NYNRIN: variants seen among roughly 807,000 people sequenced by gnomAD.
The protein encoded by NYNRIN is protein NYNRIN.
A neutral mutation model predicts 146.6 loss-of-function variants in NYNRIN; 86 were observed. The ratio of observed to expected loss-of-function variants is 0.59; its 90% CI spans 0.49 to 0.70. The LOEUF (loss-of-function observed/expected upper bound fraction) is 0.70. Among genes scored for constraint, NYNRIN ranks in the 30% least tolerant of loss-of-function variants. The pLI, the probability that NYNRIN is intolerant of heterozygous loss-of-function variation, is 0.00. For missense variants in NYNRIN, 2,191 were observed against 2,377.7 expected, an observed-to-expected ratio of 0.92 and a Z score of 1.63; for synonymous variants, 1,027 against 1,001.3, an observed-to-expected ratio of 1.03 and a Z score of -0.48.
In NYNRIN at chr14:24,409,388, C is replaced by T. The variant is rs1201469815; in HGVS notation, c.1594C>T (p.Gln532Ter). The T allele has an allele frequency of 1.2e-6, 2 of 1,614,028 alleles. No homozygotes were observed. The highest frequency in any genetic ancestry group is 4.5e-5 in the East Asian group (2 of 44,884). The change falls in exon 4 of 9, where the codon CAG becomes TAG. Residue 532 changes from glutamine (Q) to a stop codon, truncating the protein, a stop_gained. Transcript: ENST00000382554. LOFTEE classifies it high-confidence loss of function. The part of the protein sequence containing the change: ...KPVAQGGLTD[Q>*]SVPGAQTVPE... Reference sequence around the variant, plus strand: ...CGTGGCTCAAGGGGGGCTGACAGATCAGTCAGTACCTGGAGCTCAAACAGT... The same window carrying T: ...CGTGGCTCAAGGGGGGCTGACAGATTAGTCAGTACCTGGAGCTCAAACAGT...
intron 2 of NYNRIN, among the ~76,000 whole-genome samples, chr14:24,400,667 A>G (rs2042836197): frequency 6.6e-6 from 1 of 152,212 alleles, no homozygotes; most frequent in Non-Finnish European, 1.5e-5. Flanking sequence ...GAAGACATTT[A>G]GAAGCCGGGG....
intron 2 of NYNRIN, among the ~76,000 whole-genome samples, chr14:24,407,158 G>A (rs2042879632): frequency 6.6e-6 from 1 of 152,212 alleles, no homozygotes; most frequent in South Asian, 2.1e-4. Context: ...TCTGCCAGAG[G>A]AGGTGGAAAA....
At chr14:24,407,826 C>T (rs1308666246) in intron 2 of NYNRIN, 43 bp from the exon 3 acceptor site, 3 of 1,534,196 alleles carry the variant, frequency 2.0e-6, no homozygotes, top group Non-Finnish European at 2.6e-6. Flanking sequence ...AGGGGCAGGC[C>T]CCCAACGGGC....
chr14:24,414,758 G>A lies in NYNRIN; in HGVS notation c.3009G>A (p.Glu1003=). The A allele has an allele frequency of 6.2e-7, 1 of 1,613,762 alleles. No homozygotes were observed. The highest frequency in any genetic ancestry group is 8.5e-7 in the Non-Finnish European group (1 of 1,179,770). Residue 1003 remains glutamate (E), a synonymous_variant, in exon 9 of 9, where the codon GAG becomes GAA. Transcript: ENST00000382554. ...AGAAGGAGGAGAGGCAGGATGAGGAGCAGAGACAGGGGCAGGGCACACAGA... is the reference window on the plus strand; with the variant it reads ...AGAAGGAGGAGAGGCAGGATGAGGAACAGAGACAGGGGCAGGGCACACAGA... ...REEKEERQDE[E]QRQGQGTQKA...
At position 24,410,134 on chromosome 14, in the gene NYNRIN, G is replaced by A. The variant is rs2042903091; in HGVS notation, c.2340G>A (p.Glu780=). 6 of 1,613,750 alleles carry A rather than the reference G, an allele frequency of 3.7e-6. No individual in the cohort carries two copies. The East Asian group carries it at 1.3e-4, about 36-fold the overall frequency. ...ACGAGGCCCTGAATACACCCTTCGA[G>A]CTGAACCTGTCAGGGGAACCTGGAA... The part of the protein sequence containing the change: ...RYHEALNTPF[E]LNLSGEPGNQ... The change falls in exon 4 of 9, where the codon GAG becomes GAA. Residue 780 remains glutamate, a synonymous_variant. Coordinates refer to ENST00000382554, the MANE Select transcript of NYNRIN (RefSeq NM_025081.3).
Position 24,415,301 on chromosome 14 carries a change from C to A in NYNRIN, c.3552C>A (p.His1184Gln). The change falls in exon 9 of 9, where the codon CAC becomes CAA. Residue 1184 changes from histidine to glutamine, a missense_variant. Around this residue, in one of 3 missense-constraint regions of NYNRIN, gnomAD observed 1,291 missense variants for 1,417.0 expected, o/e 0.91. Transcript: ENST00000382554. Reference protein sequence around the residue: ...ILHQEHSGRKHPIAYTSKPLL... With the variant: ...ILHQEHSGRKQPIAYTSKPLL... ...ATCAGGAGCACTCAGGGAGGAAGCA[C>A]CCCATAGCCTATACCTCAAAACCCC... is the stretch of plus-strand genomic sequence containing the variant. 1 of 1,613,974 alleles carries A rather than the reference C, an allele frequency of 6.2e-7. No individual in the cohort carries two copies. The highest frequency in any genetic ancestry group is 1.7e-5 in the Admixed American group (1 of 60,034).
intron 6 of NYNRIN, chr14:24,412,761 A>G (rs934208023): frequency 4.2e-5 from 18 of 430,378 alleles, no homozygotes; most frequent in South Asian, 2.7e-4. Context: ...GTTTGTATAT[A>G]CAGCTGGGAA....
At position 24,410,107 on chromosome 14, in the gene NYNRIN, C is replaced by A. The variant is rs1304664474; in HGVS notation, c.2313C>A (p.Tyr771Ter). The change falls in exon 4 of 9, where the codon TAC (tyrosine) becomes TAA (stop). Residue 771 changes from tyrosine to a stop codon, truncating the protein, a stop_gained. Coordinates refer to ENST00000382554, the MANE Select transcript of NYNRIN (RefSeq NM_025081.3). LOFTEE classifies it high-confidence loss of function. ...ANSTVTSFQR[Y>*]HEALNTPFEL... is the part of the protein sequence containing the mutation. ...GCACAGTGACCAGCTTCCAGAGGTA[C>A]CACGAGGCCCTGAATACACCCTTCG... The A allele has an allele frequency of 6.2e-7, 1 of 1,613,992 alleles. No individual in the cohort carries two copies. Among genetic ancestry groups the A allele is most frequent in the Admixed American group, 1.7e-5 (1 of 60,032 alleles).
In NYNRIN at chr14:24,412,785, G is replaced by A; in HGVS notation, c.2643-212G>A. The stretch of plus-strand genomic sequence containing the variant: ...TACAGCTGGGAATGCGTGCATCCAA[G>A]GTCACCCTTGGATGACCTTGATCCC... On this transcript the variant is annotated intron_variant, in intron 6 of 8. Transcript: ENST00000382554. 1.7e-5 allele frequency: 8 copies of A among 477,238 alleles called. No individual in the cohort carries two copies. In the South Asian group the frequency reaches 1.9e-4, roughly 11 times the overall value. 29.6% of individuals were successfully genotyped at this position (477,238 alleles called of 1,614,324 possible). A position where few individuals can be genotyped will look rare whatever the true frequency, so the allele number is the denominator to read the frequency against.
At position 24,407,935 on chromosome 14, in the gene NYNRIN, T is replaced by C; in HGVS notation, c.265T>C (p.Cys89Arg). The C allele has an allele frequency of 1.2e-6, 2 of 1,613,990 alleles. No homozygotes were observed. The highest frequency in any genetic ancestry group is 1.7e-6 in the Non-Finnish European group (2 of 1,179,850). ...KEVRYPPILH[C>R]AFLGAQGLFL... is the part of the protein sequence containing the mutation. ...GGTTCGCTACCCACCGATCCTGCAC[T>C]GTGCCTTCCTTGGGGCCCAAGGCCT... The change falls in exon 3 of 9, where the codon TGT becomes CGT. Residue 89 changes from cysteine to arginine, a missense_variant. By Grantham distance (180) the Cys-to-Arg change is radical. Around this residue, in one of 3 missense-constraint regions of NYNRIN, gnomAD observed 895 missense variants for 941.2 expected, o/e 0.95. Transcript: ENST00000382554.
intron 2 of NYNRIN, among the ~76,000 whole-genome samples, chr14:24,406,866 C>T (rs1276518536): frequency 4.6e-5 from 7 of 152,254 alleles, no homozygotes; most frequent in Admixed American, 6.5e-5. Context: ...ACCCCAACCT[C>T]GCCCACCCCA....
intron 8 of NYNRIN, among the ~76,000 whole-genome samples, chr14:24,414,196 C>T (rs548234212): frequency 6.6e-6 from 1 of 152,256 alleles, no homozygotes; most frequent in Non-Finnish European, 1.5e-5. Context: ...TGAGGTTTGT[C>T]TGCTGTGTCC....
At chr14:24,408,588 A>T (rs2042890684) in intron 3 of NYNRIN, 61 bp downstream of exon 3, 1 of 1,536,108 alleles carries the variant, frequency 6.5e-7, no homozygotes, top group Non-Finnish European at 8.7e-7. Context: ...TACCCTAAGG[A>T]AATAGTAATA....
Position 24,415,305 on chromosome 14 carries a change from A to G in NYNRIN, c.3556A>G (p.Ile1186Val), listed in dbSNP as rs1386059842. 1 of 1,613,774 alleles carries G rather than the reference A, an allele frequency of 6.2e-7. No homozygotes were observed. The highest frequency in any genetic ancestry group is 1.3e-5 in the African/African-American group (1 of 74,900). ...HQEHSGRKHPIAYTSKPLLPD... is the reference protein window; with the variant it reads ...HQEHSGRKHPVAYTSKPLLPD... ...GGAGCACTCAGGGAGGAAGCACCCC[A>G]TAGCCTATACCTCAAAACCCCTCCT... The change falls in exon 9 of 9, where the codon ATA becomes GTA. Residue 1186 changes from isoleucine (I) to valine (V), a missense_variant. By Grantham distance (29) the Ile-to-Val change is conservative (BLOSUM62 3). Coordinates refer to ENST00000382554, the MANE Select transcript of NYNRIN (RefSeq NM_025081.3).
At position 24,409,493 on chromosome 14, in the gene NYNRIN, G is replaced by A. The variant is rs866326115; in HGVS notation, c.1699G>A (p.Ala567Thr). 1 of 1,613,724 alleles carries A rather than the reference G, an allele frequency of 6.2e-7. No individual in the cohort carries two copies. Among genetic ancestry groups the A allele is most frequent in the Non-Finnish European group, 8.5e-7 (1 of 1,179,852 alleles). The change falls in exon 4 of 9, where the codon GCT becomes ACT. Residue 567 changes from alanine (A) to threonine (T), a missense_variant. Ala to Thr is a moderately conservative substitution (Grantham distance 58). This residue lies in a region of NYNRIN where 895 missense variants were observed against 941.2 expected (regional missense o/e 0.95). Coordinates refer to ENST00000382554, the MANE Select transcript of NYNRIN (RefSeq NM_025081.3). The stretch of plus-strand genomic sequence containing the variant: ...CTCCAGAACTCAAGTGCCATCTGCA[G>A]CTCCCAAACTGCCTACATCTCGAAT... ...NPSRTQVPSAAPKLPTSRMML... is the reference protein window; with the variant it reads ...NPSRTQVPSATPKLPTSRMML...
rs547499850 is a variant in NYNRIN at position 24,411,381 on chromosome 14, C to T, written c.2573C>T (p.Ser858Leu). Residue 858 changes from serine (S) to leucine (L), a missense_variant, in exon 6 of 9, where the codon TCG becomes TTG. Physicochemically the swap from Ser to Leu is moderately radical, Grantham distance 145 (BLOSUM62 -2). This residue lies in a region of NYNRIN where 1,291 missense variants were observed against 1,417.0 expected (regional missense o/e 0.91). Transcript: ENST00000382554. This position sits in a 1 kb window ranked among gnomAD's most constrained non-coding sequence, Gnocchi z 4.3. ...RESHFLTKLH[S>L]LKMLSITPSQ... ...AGCCACTTTCTGACGAAGCTACACT[C>T]GCTCAAGATGCTTTCAATCACACCC... The T allele has an allele frequency of 9.3e-6, 15 of 1,614,032 alleles. No individual in the cohort carries two copies. Among genetic ancestry groups the T allele is most frequent in the African/African-American group, 2.7e-5 (2 of 75,048 alleles).
intron 2 of NYNRIN, among the ~76,000 whole-genome samples, chr14:24,404,179 C>G (rs1434664011): frequency 6.6e-6 from 1 of 152,194 alleles, no homozygotes; most frequent in Non-Finnish European, 1.5e-5. Context: ...TCTGTCCTCT[C>G]TTTCTGGAAG....
Position 24,417,630 on chromosome 14 carries a change from CCA to C in NYNRIN, c.*185_*186del. On this transcript the variant is annotated 3_prime_UTR_variant, in exon 9 of 9. Transcript: ENST00000382554. The stretch of plus-strand genomic sequence containing the variant: ...GACCAGCATCCCCATGGAAACATCC[CCA>C]GTTTGGGGTACTTGGAGAATTTGCC... The C allele has an allele frequency of 2.3e-6, 2 of 856,354 alleles. No individual in the cohort carries two copies. The highest frequency in any genetic ancestry group is 3.3e-6 in the Non-Finnish European group (2 of 613,962). 53.0% of individuals were successfully genotyped at this position (856,354 alleles called of 1,614,324 possible).
Position 24,415,331 on chromosome 14 carries a change from C to G in NYNRIN, c.3582C>G (p.Leu1194=). The change falls in exon 9 of 9, where the codon CTC becomes CTG. Residue 1194 remains leucine, a synonymous_variant. Coordinates refer to ENST00000382554, the MANE Select transcript of NYNRIN (RefSeq NM_025081.3). ...HPIAYTSKPL[L]PDEESQGPQS... is the part of the protein sequence containing the mutation. ...TAGCCTATACCTCAAAACCCCTCCT[C>G]CCTGATGAGGAGAGCCAGGGCCCCC... 6.2e-7 allele frequency: 1 copy of G among 1,613,984 alleles called. No homozygotes were observed. Among genetic ancestry groups the G allele is most frequent in the Admixed American group, 1.7e-5 (1 of 60,028 alleles).
Sources: gnomAD v4.1 joint callset for allele counts (sites outside exome capture counted in the v4.1 genomes callset) on GRCh38, gnomAD v4.1.1 for gene constraint, gnomAD v4.1.1 regional missense constraint, Gnocchi (gnomAD v3.1) non-coding constraint, MANE v1.5 for transcripts, NCBI Gene and HGNC (gene_info 2026-07-23, HGNC 2026-07-21) for gene names.